Variants in PPFIA2 observed in about 807,000 individuals in gnomAD.
The protein encoded by PPFIA2 is liprin-alpha-2.
Under a neutral mutation model 175.5 loss-of-function variants are expected in PPFIA2, and 46 were observed. The observed-to-expected ratio is 0.26, with a 90% CI of 0.21 to 0.34. The LOEUF is 0.34. PPFIA2 is among the 10% of genes least tolerant of loss of function. PPFIA2 has a pLI of 1.00. For missense variants in PPFIA2, 1,179 were observed against 1,506.1 expected, an observed-to-expected ratio of 0.78 and a Z score of 3.60; for synonymous variants, 568 against 511.4, an observed-to-expected ratio of 1.11 and a Z score of -1.49.
At chr12:81,628,816 T>A (rs1048489988) in intron 4 of PPFIA2, among the ~76,000 whole-genome samples, 2 of 152,218 alleles carry the variant, frequency 1.3e-5, no homozygotes, top group Non-Finnish European at 2.9e-5. Flanking sequence ...TTGAGTCCTC[T>A]TTGTTTGAAG....
chr12:81,575,651 C>T (rs1241172728), intron 4 of PPFIA2, among the ~76,000 whole-genome samples: 2 of 151,392 alleles, frequency 1.3e-5, no homozygotes, highest in Non-Finnish European at 3.0e-5. Context: ...ACTGAGATAA[C>T]CTGTATGAAA....
intron 4 of PPFIA2, among the ~76,000 whole-genome samples, chr12:81,583,689 A>T (rs1261761415): frequency 1.3e-5 from 2 of 151,920 alleles, no homozygotes; most frequent in African/African-American, 2.4e-5. Flanking sequence ...GTACTGAATG[A>T]GTGTGTCTAT....
chr12:81,595,708 C>A (rs2059172503), intron 4 of PPFIA2, among the ~76,000 whole-genome samples: 1 of 152,184 alleles, frequency 6.6e-6, no homozygotes, highest in African/African-American at 2.4e-5. Context: ...TATCCTTCAA[C>A]TTCTTATTTG....
At chr12:81,626,728 G>C (rs1270384166) in intron 4 of PPFIA2, among the ~76,000 whole-genome samples, 1 of 152,036 alleles carries the variant, frequency 6.6e-6, no homozygotes, top group African/African-American at 2.4e-5. Context: ...AGGAACAAAA[G>C]TTAAAGTACA....
intron 20 of PPFIA2, among the ~76,000 whole-genome samples, chr12:81,340,515 T>C (rs767139066): frequency 1.4e-4 from 21 of 152,128 alleles, no homozygotes; most frequent in Non-Finnish European, 2.5e-4. Flanking sequence ...TAAGACAGTA[T>C]AAAGAATTGT....
chr12:81,565,948 T>C (rs1317522298), intron 4 of PPFIA2, among the ~76,000 whole-genome samples: 1 of 152,212 alleles, frequency 6.6e-6, no homozygotes, highest in Non-Finnish European at 1.5e-5. Context: ...GACCAGAATT[T>C]GATGTATTCA....
At chr12:81,536,128 G>A (rs992169449) in intron 4 of PPFIA2, among the ~76,000 whole-genome samples, 2 of 151,692 alleles carry the variant, frequency 1.3e-5, no homozygotes, top group South Asian at 2.1e-4. Flanking sequence ...AATACACTAT[G>A]AGAATTAATT....
intron 24 of PPFIA2, among the ~76,000 whole-genome samples, chr12:81,286,087 G>C (rs1157144828): frequency 6.6e-6 from 1 of 151,816 alleles, no homozygotes; most frequent in East Asian, 1.9e-4. Context: ...AGCTTAAAGA[G>C]GGGAAAAAAT....
At chr12:81,540,555 T>C (rs1462589551) in intron 4 of PPFIA2, among the ~76,000 whole-genome samples, 2 of 152,026 alleles carry the variant, frequency 1.3e-5, no homozygotes, top group East Asian at 1.9e-4. Flanking sequence ...GAAGAAACTT[T>C]AGGACAGGGA....
At position 81,264,852 on chromosome 12, in the gene PPFIA2, A is replaced by C. The variant is rs192894367; in HGVS notation, c.3556-1462T>G. Among the ~76,000 whole-genome samples, 11 of 152,348 alleles carry C rather than the reference A, an allele frequency of 7.2e-5. No homozygotes were observed. In the East Asian group the frequency reaches 2.1e-3, roughly 29 times the overall value. ...ATGTGTGTAAATGTAGAAAAGAAAC[A>C]GAATTTCACAGTTGCAGCCTCTACG... On this transcript the variant is annotated intron_variant, in intron 30 of 32. Transcript: ENST00000549396.
intron 4 of PPFIA2, among the ~76,000 whole-genome samples, chr12:81,579,155 C>T (rs114026780): frequency 5.5e-4 from 83 of 151,684 alleles, no homozygotes; most frequent in African/African-American, 1.9e-3. Context: ...TTTGTAATTT[C>T]GAACTTTTAT....
intron 4 of PPFIA2, 85 bp from the exon 5 acceptor site, chr12:81,457,951 G>T: frequency 1.1e-6 from 1 of 907,358 alleles, no homozygotes. Flanking sequence ...AAAATGAAAA[G>T]AATGGGGAAA....
At chr12:81,647,713 A>T (rs1373723935) in intron 4 of PPFIA2, among the ~76,000 whole-genome samples, 1 of 149,452 alleles carries the variant, frequency 6.7e-6, no homozygotes, top group East Asian at 1.9e-4. Flanking sequence ...GTGAGCCAAG[A>T]TCGTGCCACT....
At chr12:81,544,665 G>A (rs2066721167) in intron 4 of PPFIA2, among the ~76,000 whole-genome samples, 1 of 152,012 alleles carries the variant, frequency 6.6e-6, no homozygotes, top group Non-Finnish European at 1.5e-5. Context: ...GCATGCTTTT[G>A]CTATTAAAAG....
intron 4 of PPFIA2, among the ~76,000 whole-genome samples, chr12:81,563,249 G>T (rs548065631): frequency 6.6e-6 from 1 of 151,968 alleles, no homozygotes; most frequent in Admixed American, 6.6e-5. Context: ...CTTTCTTCTG[G>T]CATCTCCACT....
At chr12:81,759,058 TCTC>T (rs1452131832) in intron 1 of PPFIA2, among the ~76,000 whole-genome samples, 2 of 151,866 alleles carry the variant, frequency 1.3e-5, no homozygotes, top group African/African-American at 2.4e-5. Context: ...GCAGGACAGG[TCTC>T]CTCCTGGCCC....
intron 3 of PPFIA2, among the ~76,000 whole-genome samples, chr12:81,716,469 T>C (rs1274856037): frequency 6.6e-6 from 1 of 151,586 alleles, no homozygotes; most frequent in African/African-American, 2.4e-5. Flanking sequence ...ATTTAAAATA[T>C]CAAGTATAAT....
chr12:81,676,084 A>T (rs1374235345), intron 4 of PPFIA2, among the ~76,000 whole-genome samples: 1 of 152,098 alleles, frequency 6.6e-6, no homozygotes, highest in Non-Finnish European at 1.5e-5. Flanking sequence ...TGTATGTTCC[A>T]CATTAAATTT....
At chr12:81,661,541 T>G (rs1003693434) in intron 4 of PPFIA2, among the ~76,000 whole-genome samples, 2 of 152,120 alleles carry the variant, frequency 1.3e-5, no homozygotes, top group Admixed American at 6.5e-5. Context: ...ACACCCAGAT[T>G]CATAAAGCAA....
Sources: allele counts gnomAD v4.1 joint callset (sites outside exome capture counted in the v4.1 genomes callset), GRCh38; gene constraint gnomAD v4.1.1; transcripts MANE v1.5; gene names NCBI Gene and HGNC (gene_info 2026-07-23, HGNC 2026-07-21).